The following SPIRE1 variants were observed in gnomAD, a reference collection of about 807,000 sequenced individuals.
SPIRE1 encodes protein spire homolog 1.
Under a neutral mutation model 94.1 loss-of-function variants are expected in SPIRE1, and 40 were observed. The ratio of observed to expected loss-of-function variants is 0.43; its 90% CI spans 0.33 to 0.55. The LOEUF is 0.55. Ranked by LOEUF, SPIRE1 falls within the 20% of genes least tolerant of loss-of-function variation. The pLI is 0.06. For synonymous variants in SPIRE1, 376 were observed against 371.7 expected, an observed-to-expected ratio of 1.01 and a Z score of -0.13; for missense variants, 838 against 975.2, an observed-to-expected ratio of 0.86 and a Z score of 1.87.
intron 2 of SPIRE1, among the ~76,000 whole-genome samples, chr18:12,548,474 A>G (rs937782416): frequency 6.6e-6 from 1 of 152,214 alleles, no homozygotes; most frequent in Non-Finnish European, 1.5e-5. Context: ...TTCAAAATGA[A>G]TATCATGCTT....
intron 1 of SPIRE1, among the ~76,000 whole-genome samples, chr18:12,639,586 G>A (rs1428571886): frequency 1.3e-5 from 2 of 152,022 alleles, no homozygotes; most frequent in Non-Finnish European, 2.9e-5. Context: ...ACAAAAATTA[G>A]CTGTGCATGG....
At chr18:12,470,758 C>G (rs1358620262) in intron 10 of SPIRE1, among the ~76,000 whole-genome samples, 1 of 152,136 alleles carries the variant, frequency 6.6e-6, no homozygotes, top group African/African-American at 2.4e-5. Flanking sequence ...TCTGACATTT[C>G]TAGAACATCA....
At chr18:12,521,975 ATAATT>A (rs1211429787) in intron 4 of SPIRE1, among the ~76,000 whole-genome samples, 1 of 152,140 alleles carries the variant, frequency 6.6e-6, no homozygotes, top group Non-Finnish European at 1.5e-5. Flanking sequence ...AGACACAATG[ATAATT>A]TAATTAGGCC....
At chr18:12,474,228 A>G (rs930614983) in intron 10 of SPIRE1, among the ~76,000 whole-genome samples, 3 of 152,106 alleles carry the variant, frequency 2.0e-5, no homozygotes, top group Non-Finnish European at 4.4e-5. Context: ...GTCTCCTTCA[A>G]TTGTTCTGTG....
intron 4 of SPIRE1, among the ~76,000 whole-genome samples, chr18:12,526,415 C>T (rs2034525365): frequency 6.6e-6 from 1 of 152,148 alleles, no homozygotes; most frequent in African/African-American, 2.4e-5. Context: ...TCCACAGCAC[C>T]CTGCACCCAC....
At chr18:12,493,013 A>G (rs1281365983) in intron 8 of SPIRE1, 59 bp downstream of exon 8, 13 of 1,533,212 alleles carry the variant, frequency 8.5e-6, no homozygotes, top group Non-Finnish European at 1.1e-5. Context: ...GGCTGGGTGT[A>G]TAAAGATCCT....
intron 10 of SPIRE1, among the ~76,000 whole-genome samples, chr18:12,471,272 C>T (rs1251277615): frequency 6.6e-6 from 1 of 151,942 alleles, no homozygotes; most frequent in Non-Finnish European, 1.5e-5. Flanking sequence ...CACTGTATGG[C>T]TTTTCTAACT....
At chr18:12,625,157 T>C (rs1414040538) in intron 2 of SPIRE1, among the ~76,000 whole-genome samples, 1 of 152,150 alleles carries the variant, frequency 6.6e-6, no homozygotes, top group Non-Finnish European at 1.5e-5. Flanking sequence ...AGATTATCTA[T>C]TCATCACACT....
intron 4 of SPIRE1, among the ~76,000 whole-genome samples, chr18:12,524,132 C>T (rs994972487): frequency 5.3e-5 from 8 of 152,162 alleles, no homozygotes; most frequent in Admixed American, 4.6e-4. Context: ...AATCACTTAA[C>T]AAAGTTTCTC....
chr18:12,483,046 T>C (rs1022547450), intron 9 of SPIRE1, among the ~76,000 whole-genome samples: 1 of 151,322 alleles, frequency 6.6e-6, no homozygotes, highest in Non-Finnish European at 1.5e-5. Context: ...GCTCAGGCGA[T>C]CCTCCCACCT....
Position 12,458,530 on chromosome 18 carries a change from C to T in SPIRE1, c.1639-4047G>A, listed in dbSNP as rs535308595. ...TCGGGAGGCTAAGGCAGGAGAATGG[C>T]GTGAACCCAGGAGGCGGAGCTTGCA... is the stretch of plus-strand genomic sequence containing the variant. On this transcript the variant is annotated intron_variant, in intron 12 of 16. Coordinates refer to ENST00000409402, the MANE Select transcript of SPIRE1 (RefSeq NM_001128626.2). Among the ~76,000 whole-genome samples, 264 of 152,114 alleles carry T rather than the reference C, an allele frequency of 1.7e-3. 1 individual carries two copies. The highest frequency in any genetic ancestry group is 3.1e-3 in the Non-Finnish European group (213 of 68,006).
intron 10 of SPIRE1, among the ~76,000 whole-genome samples, chr18:12,471,384 CTTT>C (rs975751031): frequency 7.3e-5 from 10 of 137,598 alleles, no homozygotes; most frequent in Non-Finnish European, 3.2e-5. Context: ...TGGTTTCTTT[CTTT>C]TTTTTTTTTT....
chr18:12,624,241 A>T (rs1183646101), intron 2 of SPIRE1, among the ~76,000 whole-genome samples: 7 of 57,994 alleles, frequency 1.2e-4, no homozygotes, highest in Non-Finnish European at 1.9e-4. Context: ...AATTATTAAA[A>T]AAAAAAAAAC....
At chr18:12,593,859 G>C (rs939962755) in intron 2 of SPIRE1, among the ~76,000 whole-genome samples, 1 of 152,170 alleles carries the variant, frequency 6.6e-6, no homozygotes, top group African/African-American at 2.4e-5. Flanking sequence ...GGCTGAGGCA[G>C]GAGAATCGCT....
intron 10 of SPIRE1, among the ~76,000 whole-genome samples, chr18:12,474,012 T>C (rs16977219): frequency 0.015 from 2,243 of 152,354 alleles, 55 homozygotes; most frequent in African/African-American, 0.051. Context: ...GTAGGTATTA[T>C]GGTGGCTAGA....
intron 4 of SPIRE1, among the ~76,000 whole-genome samples, chr18:12,526,460 A>G (rs887520947): frequency 4.6e-5 from 7 of 152,042 alleles, no homozygotes; most frequent in African/African-American, 1.7e-4. Context: ...GCTGGATGAC[A>G]TGCTCCTACA....
intron 2 of SPIRE1, among the ~76,000 whole-genome samples, chr18:12,613,779 A>C (rs975897567): frequency 1.3e-5 from 2 of 152,142 alleles, no homozygotes; most frequent in Non-Finnish European, 2.9e-5. Flanking sequence ...ATGCGCCTGC[A>C]ATCTCAGCTA....
At chr18:12,618,105 T>C (rs2037362518) in intron 2 of SPIRE1, among the ~76,000 whole-genome samples, 1 of 147,886 alleles carries the variant, frequency 6.8e-6, no homozygotes, top group Non-Finnish European at 1.5e-5. Context: ...TTATTTTTTA[T>C]TTTTTATTTT....
chr18:12,626,793 AG>A (rs1269216410), intron 2 of SPIRE1, among the ~76,000 whole-genome samples: 8 of 151,374 alleles, frequency 5.3e-5, no homozygotes, highest in African/African-American at 1.9e-4. Flanking sequence ...TGCAAATAAT[AG>A]GATCTACTTC....
Sources: gnomAD v4.1 joint callset for allele counts (sites outside exome capture counted in the v4.1 genomes callset) on GRCh38, gnomAD v4.1.1 for gene constraint, MANE v1.5 for transcripts, NCBI Gene and HGNC (gene_info 2026-07-23, HGNC 2026-07-21) for gene names.